MSRA: variants seen among roughly 807,000 people sequenced by gnomAD.
MSRA encodes methionine sulfoxide reductase A, also known as mitochondrial peptide methionine sulfoxide reductase.
Under a neutral mutation model 31.3 loss-of-function variants are expected in MSRA, and 54 were observed. The ratio of observed to expected loss-of-function variants is 1.73; its 90% CI spans 1.39 to 2.17. The LOEUF is 2.17. Ranked by LOEUF, MSRA falls within the 30% of genes most tolerant of loss-of-function variation. The probability of loss-of-function intolerance (pLI) is 0.00; values close to 1 mark genes in which losing one functional copy is unlikely to be tolerated. For synonymous variants in MSRA, 169 were observed against 116.5 expected (o/e 1.45, Z -2.90); for missense variants, 507 against 300.9 (o/e 1.69, Z -5.07).
At chr8:10,254,935 G>A (rs146563146) in intron 3 of MSRA, among the ~76,000 whole-genome samples, 1 of 152,210 alleles carries the variant, frequency 6.6e-6, no homozygotes, top group African/African-American at 2.4e-5. Flanking sequence ...TTCTTTAGCC[G>A]GATGGACTTT....
chr8:10,151,139 G>C (rs1242557861), intron 1 of MSRA, among the ~76,000 whole-genome samples: 1 of 151,814 alleles, frequency 6.6e-6, no homozygotes, highest in Non-Finnish European at 1.5e-5. Flanking sequence ...GTATCAAGAA[G>C]GGCTTCCTGG....
chr8:10,209,151 A>C (rs1018475151), intron 2 of MSRA, among the ~76,000 whole-genome samples: 1 of 152,256 alleles, frequency 6.6e-6, no homozygotes, highest in Non-Finnish European at 1.5e-5. Context: ...TGTAGAAGGC[A>C]TAATGGCCTC....
chr8:10,271,733 T>C (rs923639544), intron 3 of MSRA, among the ~76,000 whole-genome samples: 2 of 141,772 alleles, frequency 1.4e-5, no homozygotes, highest in Non-Finnish European at 3.1e-5. Context: ...TTTTTTTTTT[T>C]TGGAGATGGA....
intron 1 of MSRA, among the ~76,000 whole-genome samples, chr8:10,178,500 A>G (rs1212350560): frequency 6.6e-6 from 1 of 152,246 alleles, no homozygotes; most frequent in Non-Finnish European, 1.5e-5. Context: ...AAAAACTGCT[A>G]TCATCCATAT....
At chr8:10,095,401 C>A in intron 1 of MSRA, 1 of 866,084 alleles carries the variant, frequency 1.2e-6, no homozygotes, top group South Asian at 5.3e-5. Flanking sequence ...GCTGTTGGTG[C>A]CAGGATTTGG....
intron 5 of MSRA, among the ~76,000 whole-genome samples, chr8:10,346,153 C>A (rs948670202): frequency 6.6e-6 from 1 of 152,174 alleles, no homozygotes; most frequent in African/African-American, 2.4e-5. Flanking sequence ...CCTCTTTTCT[C>A]TTATATATGG....
At position 10,279,262 on chromosome 8, in the gene MSRA, G is replaced by T. The variant is rs572488000; in HGVS notation, c.332-22272G>T. 5.3e-5 allele frequency among the ~76,000 whole-genome samples: 8 copies of T among 152,310 alleles called. No homozygotes were observed. The East Asian group carries it at 1.5e-3, about 29-fold the overall frequency. ...CCATGTAGCCACTCAGCATAACTTTGTTAAGGAAATTAATTAATACAGAGT... is the reference window on the plus strand; with the variant it reads ...CCATGTAGCCACTCAGCATAACTTTTTTAAGGAAATTAATTAATACAGAGT... On this transcript the variant is annotated intron_variant, in intron 3 of 5. Transcript: ENST00000317173.
chr8:10,197,449 G>A (rs1454143024), intron 1 of MSRA, among the ~76,000 whole-genome samples: 2 of 152,184 alleles, frequency 1.3e-5, no homozygotes, highest in South Asian at 2.1e-4. Flanking sequence ...TCAACACAGA[G>A]GCATGTGTTG....
chr8:10,311,433 C>T (rs1801424780), intron 4 of MSRA, among the ~76,000 whole-genome samples: 1 of 152,044 alleles, frequency 6.6e-6, no homozygotes, highest in South Asian at 2.1e-4. Flanking sequence ...ACAATTCCAG[C>T]ACTTGACCCA....
At chr8:10,269,979 G>A (rs1038743213) in intron 3 of MSRA, among the ~76,000 whole-genome samples, 1 of 152,176 alleles carries the variant, frequency 6.6e-6, no homozygotes, top group African/African-American at 2.4e-5. Context: ...CTGTGACCGT[G>A]GAAAAATGAT....
chr8:10,190,220 T>G (rs1371930577), intron 1 of MSRA, among the ~76,000 whole-genome samples: 1 of 152,170 alleles, frequency 6.6e-6, no homozygotes, highest in African/African-American at 2.4e-5. Context: ...GACCTTCCGT[T>G]GAGCCTGCCC....
intron 5 of MSRA, among the ~76,000 whole-genome samples, chr8:10,364,213 C>A (rs1805027686): frequency 6.6e-6 from 1 of 152,162 alleles, no homozygotes; most frequent in Non-Finnish European, 1.5e-5. Flanking sequence ...TTGTCCCTGC[C>A]CGTATGAGTT....
At chr8:10,161,645 A>C (rs1804655465) in intron 1 of MSRA, among the ~76,000 whole-genome samples, 1 of 152,158 alleles carries the variant, frequency 6.6e-6, no homozygotes, top group African/African-American at 2.4e-5. Flanking sequence ...GAGGCGGATG[A>C]AGTGAGAACG....
chr8:10,385,809 G>T (rs1806353819), intron 5 of MSRA, among the ~76,000 whole-genome samples: 1 of 140,838 alleles, frequency 7.1e-6, no homozygotes, highest in Non-Finnish European at 1.6e-5. Context: ...ACCTGGTGGG[G>T]GGTGGGGTGT....
chr8:10,192,342 A>T (rs1288530545), intron 1 of MSRA, among the ~76,000 whole-genome samples: 2 of 152,210 alleles, frequency 1.3e-5, no homozygotes, highest in Non-Finnish European at 2.9e-5. Context: ...AAGTTCACTG[A>T]GCCTTTCCAA....
In MSRA at chr8:10,091,695, C is replaced by T. The variant is rs1585126918; in HGVS notation, c.142+37037C>T. Among the ~76,000 whole-genome samples the T allele has an allele frequency of 2.6e-5, 4 of 151,870 alleles. No homozygotes were observed. The East Asian group carries it at 7.7e-4, about 29-fold the overall frequency. Reference sequence around the variant, plus strand: ...GATCTTGGCTCATTGCAACCTCTGCCTCCCGGGTTCAAGTGATTCTCGTGC... The same window carrying T: ...GATCTTGGCTCATTGCAACCTCTGCTTCCCGGGTTCAAGTGATTCTCGTGC... On this transcript the variant is annotated intron_variant, in intron 1 of 5. Coordinates refer to ENST00000317173, the MANE Select transcript of MSRA (RefSeq NM_012331.5).
At chr8:10,185,175 A>T (rs570878114) in intron 1 of MSRA, among the ~76,000 whole-genome samples, 2 of 152,066 alleles carry the variant, frequency 1.3e-5, no homozygotes, top group Admixed American at 6.5e-5. Context: ...AGCGAATGCG[A>T]ATCCCCCTGT....
intron 5 of MSRA, among the ~76,000 whole-genome samples, chr8:10,322,607 A>G (rs1802108341): frequency 6.6e-6 from 1 of 152,192 alleles, no homozygotes; most frequent in African/African-American, 2.4e-5. Flanking sequence ...TGGAGGAGCC[A>G]TGGGCTGTTT....
At chr8:10,100,031 G>C (rs1397823847) in intron 1 of MSRA, among the ~76,000 whole-genome samples, 1 of 152,152 alleles carries the variant, frequency 6.6e-6, no homozygotes, top group Non-Finnish European at 1.5e-5. Flanking sequence ...GTTGTGCAGA[G>C]TTGAGGGCGC....
Sources: allele counts gnomAD v4.1 joint callset (sites outside exome capture counted in the v4.1 genomes callset), GRCh38; gene constraint gnomAD v4.1.1; transcripts MANE v1.5; gene names NCBI Gene and HGNC (gene_info 2026-07-23, HGNC 2026-07-21).